MIPEP: variants seen among roughly 807,000 people sequenced by gnomAD.
MIPEP encodes the protein mitochondrial intermediate peptidase.
In MIPEP, 79 loss-of-function variants were observed where a neutral mutation model predicts 90.3. The observed-to-expected ratio is 0.87, with a 90% confidence interval of 0.73 to 1.05. MIPEP has a LOEUF of 1.05. MIPEP is among the 50% of genes least tolerant of loss of function. MIPEP has a pLI of 0.00. For synonymous variants in MIPEP, 334 were observed against 315.8 expected (o/e 1.06, Z -0.61); for missense variants, 940 against 905.6 (o/e 1.04, Z -0.49).
intron 2 of MIPEP, 41 bp from the exon 3 acceptor site, chr13:23,881,828 A>G (rs4067964): frequency 2.8e-5 from 41 of 1,486,436 alleles, no homozygotes; most frequent in Non-Finnish European, 3.6e-5. Context: ...GAATTTGATG[A>G]GAAGCTTTCT....
In MIPEP at chr13:23,848,959, C is replaced by A. The variant is rs567168599; in HGVS notation, c.1107-7471G>T. On this transcript the variant is annotated intron_variant, in intron 10 of 18. Transcript: ENST00000382172. ...AGCTCCAACCCACATCTGAGGGGCC[C>A]CAAGGAGCAGTCCCACATGACCAGC... 1.5e-3 allele frequency among the ~76,000 whole-genome samples: 232 copies of A among 152,292 alleles called. 2 individuals carry two copies. The highest frequency in any genetic ancestry group is 6.8e-3 in the Middle Eastern group (2 of 294).
chr13:23,748,250 G>A (rs1312085163), intron 18 of MIPEP, among the ~76,000 whole-genome samples: 2 of 152,192 alleles, frequency 1.3e-5, no homozygotes, highest in Admixed American at 1.3e-4. Context: ...GCTCTTTTAA[G>A]TCTATTTTGG....
At chr13:23,819,802 A>T (rs543256233) in intron 14 of MIPEP, among the ~76,000 whole-genome samples, 4 of 152,248 alleles carry the variant, frequency 2.6e-5, no homozygotes, top group African/African-American at 7.2e-5. Flanking sequence ...TGAAGTCAGG[A>T]GTTCAAGACC....
intron 14 of MIPEP, among the ~76,000 whole-genome samples, chr13:23,833,078 T>TA (rs962013930): frequency 2.6e-5 from 4 of 152,158 alleles, no homozygotes; most frequent in African/African-American, 7.2e-5. Flanking sequence ...TTCATAATGT[T>TA]AAAAAAATCC....
At chr13:23,762,396 G>A (rs1294053484) in intron 16 of MIPEP, among the ~76,000 whole-genome samples, 2 of 152,174 alleles carry the variant, frequency 1.3e-5, no homozygotes, top group Non-Finnish European at 2.9e-5. Context: ...CTTAAAAGAC[G>A]CATGGCAATG....
In MIPEP at chr13:23,831,387, G is replaced by GGGGGT. The variant is rs1566009680; in HGVS notation, c.1653+4852_1653+4853insACCCC. On this transcript the variant is annotated intron_variant, in intron 14 of 18. Transcript: ENST00000382172. ...GACAGCCTAGCTTCCCCATGGCGGG[G>GGGGGT]GGGGGATGTGGATGGGAATTGCCTT... 5.0e-5 allele frequency among the ~76,000 whole-genome samples: 7 copies of GGGGGT among 140,338 alleles called. No individual in the cohort carries two copies. In the East Asian group the frequency reaches 8.5e-4, roughly 17 times the overall value. The allele number at this position is 140,338 out of a possible 152,430, so 92.1% of individuals were successfully genotyped here. A position where few individuals can be genotyped will look rare whatever the true frequency, so the allele number is the denominator to read the frequency against.
chr13:23,886,350 A>C lies in MIPEP; in HGVS notation c.346T>G (p.Cys116Gly). The stretch of plus-strand genomic sequence containing the variant: ...CACCTTACCAAGTCGGCCACTCTGC[A>C]TAAGGAATCCGAGAGCTCATCGAAG... ...LIFDELSDSL[C>G]RVADLADFVK... The change falls in exon 2 of 19, where the codon TGC becomes GGC. Residue 116 changes from cysteine (C) to glycine (G), a missense_variant. Coordinates refer to ENST00000382172, the MANE Select transcript of MIPEP (RefSeq NM_005932.4). The C allele has an allele frequency of 1.3e-6, 2 of 1,580,346 alleles. No individual in the cohort carries two copies. The highest frequency in any genetic ancestry group is 1.2e-5 in the South Asian group (1 of 85,622).
At position 23,875,286 on chromosome 13, in the gene MIPEP, A is replaced by C. The variant is rs114260217; in HGVS notation, c.540-377T>G. The stretch of plus-strand genomic sequence containing the variant: ...AATTTAGTACCACAGGTTTGTAATA[A>C]ATAATTATTTATTTCAACTCAATCC... On this transcript the variant is annotated intron_variant, in intron 4 of 18. Transcript: ENST00000382172. Among the ~76,000 whole-genome samples the C allele has an allele frequency of 1.0e-2, 1,522 of 152,232 alleles. 30 individuals are homozygous for C. Among genetic ancestry groups the C allele is most frequent in the African/African-American group, 0.034 (1,392 of 41,538 alleles).
Position 23,841,486 on chromosome 13 carries a change from T to C in MIPEP, c.1109A>G (p.Tyr370Cys), listed in dbSNP as rs775391391. Reference protein sequence around the residue: ...YYSGVIRAERYNIEPSLYCPF... With the variant: ...YYSGVIRAERCNIEPSLYCPF... ...GCAATATAGGCTGGGCTCAATATTA[T>C]ACCTAAGAGAAGGAAGAGAGGTTCA... The change falls in exon 11 of 19, where the codon TAT (tyrosine) becomes TGT (cysteine). Residue 370 changes from tyrosine (Y) to cysteine (C), a missense_variant and splice_region_variant. By Grantham distance (194) the Tyr-to-Cys change is radical. Coordinates refer to ENST00000382172, the MANE Select transcript of MIPEP (RefSeq NM_005932.4). 6.2e-6 allele frequency: 10 copies of C among 1,600,904 alleles called. No individual in the cohort carries two copies. Among genetic ancestry groups the C allele is most frequent in the Non-Finnish European group, 8.5e-6 (10 of 1,176,746 alleles).
intron 10 of MIPEP, among the ~76,000 whole-genome samples, chr13:23,849,829 T>G (rs1425961451): frequency 6.6e-6 from 1 of 152,220 alleles, no homozygotes; most frequent in Non-Finnish European, 1.5e-5. Flanking sequence ...TGAAGCACAC[T>G]CTATGAGTCA....
At chr13:23,876,404 G>A (rs528584336) in intron 4 of MIPEP, among the ~76,000 whole-genome samples, 2 of 152,122 alleles carry the variant, frequency 1.3e-5, no homozygotes, top group Non-Finnish European at 2.9e-5. Flanking sequence ...AGGGTTTAGT[G>A]AGCCCTGAAG....
chr13:23,770,840 T>C (rs1952641805), intron 16 of MIPEP, among the ~76,000 whole-genome samples: 1 of 152,228 alleles, frequency 6.6e-6, no homozygotes, highest in African/African-American at 2.4e-5. Context: ...TAGAGAAAAC[T>C]GGAGAGGCTG....
At chr13:23,838,438 G>A (rs9580765) in intron 12 of MIPEP, among the ~76,000 whole-genome samples, 2,925 of 152,132 alleles carry the variant, frequency 0.019, 102 homozygotes, top group African/African-American at 0.067. Flanking sequence ...ATGAGCCACC[G>A]CGCCCAGCCT....
rs184152295 is a variant in MIPEP, at chr13:23,866,168, G to T, written c.944-1979C>A. ...TGCATGACAGTTTCATTTCCCTCAGGGCGCCTTCCACAGCCACAGATGCAT... is the reference window on the plus strand; with the variant it reads ...TGCATGACAGTTTCATTTCCCTCAGTGCGCCTTCCACAGCCACAGATGCAT... On this transcript the variant is annotated intron_variant, in intron 7 of 18. Transcript: ENST00000382172. 2.0e-5 allele frequency among the ~76,000 whole-genome samples: 3 copies of T among 152,080 alleles called. No homozygotes were observed. The East Asian group carries it at 5.8e-4, about 29-fold the overall frequency.
At chr13:23,847,405 G>A (rs1472804195) in intron 10 of MIPEP, among the ~76,000 whole-genome samples, 6 of 143,402 alleles carry the variant, frequency 4.2e-5, no homozygotes, top group African/African-American at 1.5e-4. Flanking sequence ...AGAATTTTAA[G>A]AAACTGGACA....
intron 16 of MIPEP, chr13:23,766,153 G>T (rs1952589710): frequency 6.6e-6 from 1 of 152,208 alleles, no homozygotes; most frequent in Admixed American, 6.5e-5. Flanking sequence ...ATCTTAGGCT[G>T]TAAATGATTT....
Position 23,831,384 on chromosome 13 carries a change from G to GGGGGA in MIPEP, c.1653+4855_1653+4856insTCCCC, listed in dbSNP as rs1593178701. On this transcript the variant is annotated intron_variant, in intron 14 of 18. Transcript: ENST00000382172. ...GGGGACAGCCTAGCTTCCCCATGGC[G>GGGGGA]GGGGGGGGATGTGGATGGGAATTGC... 2.3e-4 allele frequency among the ~76,000 whole-genome samples: 6 copies of GGGGGA among 26,028 alleles called. 1 individual carries two copies. The East Asian group carries it at 0.011, about 47-fold the overall frequency. The allele number at this position is 26,028 out of a possible 152,430, so 17.1% of individuals were successfully genotyped here. A position where few individuals can be genotyped will look rare whatever the true frequency, so the allele number is the denominator to read the frequency against.
At chr13:23,812,795 T>C (rs1479317175) in intron 14 of MIPEP, among the ~76,000 whole-genome samples, 1 of 152,170 alleles carries the variant, frequency 6.6e-6, no homozygotes, top group Non-Finnish European at 1.5e-5. Flanking sequence ...TTATAACTAT[T>C]TCAAAATAAA....
chr13:23,866,165 C>G (rs1394914314), intron 7 of MIPEP, among the ~76,000 whole-genome samples: 1 of 152,176 alleles, frequency 6.6e-6, no homozygotes, highest in Non-Finnish European at 1.5e-5. Flanking sequence ...TCATTTCCCT[C>G]AGGGCGCCTT....
Sources: gnomAD v4.1 joint callset for allele counts (sites outside exome capture counted in the v4.1 genomes callset) on GRCh38, gnomAD v4.1.1 for gene constraint, MANE v1.5 for transcripts, NCBI Gene and HGNC (gene_info 2026-07-23, HGNC 2026-07-21) for gene names.